Variants in ZNF765 observed in about 807,000 individuals in gnomAD.
ZNF765 encodes the protein zinc finger protein 765.
Under a neutral mutation model 44.7 loss-of-function variants are expected in ZNF765, and 37 were observed. That is an observed-to-expected ratio of 0.83 (90% CI 0.64 to 1.09). The LOEUF (loss-of-function observed/expected upper bound fraction) is 1.09. ZNF765 is among the 50% of genes least tolerant of loss of function. The pLI is 0.00. For synonymous variants in ZNF765, 201 were observed against 213.7 expected (o/e 0.94, Z 0.52); for missense variants, 594 against 626.1 (o/e 0.95, Z 0.55).
At chr19:53,421,517 T>C (rs1453488213) in intron 3 of ZNF765, among the ~76,000 whole-genome samples, 1 of 132,898 alleles carries the variant, frequency 7.5e-6, no homozygotes, top group Non-Finnish European at 1.6e-5. Flanking sequence ...TTTTATTTAT[T>C]TATTTTTTTT....
Position 53,400,783 on chromosome 19 carries a change from T to TATATATATATATATATATATATAC in ZNF765, c.16-1281_16-1280insTATATATATATATATATATATACA, listed in dbSNP as rs10664389. ...GTTGACATATATATATATATATATA[T>TATATATATATATATATATATATAC]ACACACATACATAAAATGGATTTTC... On this transcript the variant is annotated intron_variant, in intron 2 of 3. Coordinates refer to ENST00000396408, the MANE Select transcript of ZNF765 (RefSeq NM_001040185.3). 1.9e-3 allele frequency among the ~76,000 whole-genome samples: 244 copies of TATATATATATATATATATATATAC among 126,544 alleles called. 1 individual carries two copies. Among genetic ancestry groups the TATATATATATATATATATATATAC allele is most frequent in the Middle Eastern group, 4.2e-3 (1 of 236 alleles). The allele number at this position is 126,544 out of a possible 152,430, so 83.0% of individuals were successfully genotyped here. A position where few individuals can be genotyped will look rare whatever the true frequency, so the allele number is the denominator to read the frequency against.
intron 3 of ZNF765, among the ~76,000 whole-genome samples, chr19:53,417,925 C>T (rs1775156204): frequency 6.6e-6 from 1 of 152,168 alleles, no homozygotes; most frequent in African/African-American, 2.4e-5. Context: ...AGTGTGCGTT[C>T]AGTCCCTGAT....
rs1450370638 is a variant in ZNF765, at chr19:53,409,120, A to T, written c.1565A>T (p.His522Leu). Reference sequence around the variant, plus strand: ...AGAATTTATACTGGAGAGAAACTACACGTGTAATGAGTGTGGTAAGACCTT... The same window carrying T: ...AGAATTTATACTGGAGAGAAACTACTCGTGTAATGAGTGTGGTAAGACCTT... ...HRRIYTGEKL[H>L]V Residue 522 changes from histidine to leucine, a missense_variant, in exon 4 of 4, where the codon CAC becomes CTC. Physicochemically the swap from His to Leu is moderately conservative, Grantham distance 99. This residue lies in a region of ZNF765 where 567 missense variants were observed against 572.6 expected (regional missense o/e 0.99). Coordinates refer to ENST00000396408, the MANE Select transcript of ZNF765 (RefSeq NM_001040185.3). The T allele has an allele frequency of 6.2e-7, 1 of 1,612,446 alleles. No homozygotes were observed. The highest frequency in any genetic ancestry group is 8.5e-7 in the Non-Finnish European group (1 of 1,178,758).
intron 3 of ZNF765, among the ~76,000 whole-genome samples, chr19:53,421,255 T>G (rs2085905378): frequency 1.3e-5 from 2 of 152,262 alleles, no homozygotes; most frequent in Admixed American, 1.3e-4. Flanking sequence ...CTCCCCACTA[T>G]TACCCTATTG....
chr19:53,422,212 G>C (rs1228983470), intron 3 of ZNF765, among the ~76,000 whole-genome samples: 2 of 152,178 alleles, frequency 1.3e-5, no homozygotes, highest in East Asian at 3.8e-4. Context: ...AAATATGTAT[G>C]TTCATTATTG....
downstream of ZNF765, chr19:53,413,201 T>A (rs1000563417): frequency 8.9e-5 from 52 of 584,956 alleles, 2 homozygotes; most frequent in South Asian, 7.0e-4. Flanking sequence ...GATCTTCTTA[T>A]AAGACTTTCA....
intron 1 of ZNF765, among the ~76,000 whole-genome samples, chr19:53,396,228 G>C (rs2085668291): frequency 6.6e-6 from 1 of 151,658 alleles, no homozygotes; most frequent in Non-Finnish European, 1.5e-5. Flanking sequence ...TGGGGATCTG[G>C]GGTGCTAGAG....
chr19:53,413,085 G>C (rs986667728), downstream of ZNF765: 3 of 372,104 alleles, frequency 8.1e-6, no homozygotes, highest in African/African-American at 6.4e-5. Context: ...ACTCCAGCCT[G>C]CGCAACAAGA....
chr19:53,404,861 A>C (rs544377506), intron 3 of ZNF765, among the ~76,000 whole-genome samples: 1 of 152,296 alleles, frequency 6.6e-6, no homozygotes, highest in Admixed American at 6.5e-5. Context: ...CAGATTTGTC[A>C]GCCTTCAGTG....
chr19:53,404,408 A>G (rs905209653), intron 3 of ZNF765, among the ~76,000 whole-genome samples: 8 of 151,388 alleles, frequency 5.3e-5, no homozygotes, highest in Non-Finnish European at 1.2e-4. Flanking sequence ...GGAGAACTTT[A>G]TATATATTTG....
In ZNF765 at chr19:53,410,967, C is replaced by T; in HGVS notation, c.*1840C>T. 1 of 370,950 alleles carries T rather than the reference C, an allele frequency of 2.7e-6. No individual in the cohort carries two copies. Among genetic ancestry groups the T allele is most frequent in the Non-Finnish European group, 5.4e-6 (1 of 185,982 alleles). The allele number at this position is 370,950 out of a possible 1,614,324, so 23.0% of individuals were successfully genotyped here. On this transcript the variant is annotated 3_prime_UTR_variant, in exon 4 of 4. Coordinates refer to ENST00000396408, the MANE Select transcript of ZNF765 (RefSeq NM_001040185.3). Reference sequence around the variant, plus strand: ...CAAAGTCTTCAGTCTGAGCTCACTCCTTGCAGGATATCAGAAAATTCATTT... The same window carrying T: ...CAAAGTCTTCAGTCTGAGCTCACTCTTTGCAGGATATCAGAAAATTCATTT...
downstream of ZNF765, among the ~76,000 whole-genome samples, chr19:53,413,996 G>T (rs1427383366): frequency 3.5e-5 from 5 of 143,742 alleles, no homozygotes; most frequent in East Asian, 8.7e-4. Context: ...ATCCCACCAC[G>T]TTGGGAGGCT....
intron 3 of ZNF765, among the ~76,000 whole-genome samples, chr19:53,419,613 G>A (rs2085895653): frequency 6.6e-6 from 1 of 152,166 alleles, no homozygotes; most frequent in African/African-American, 2.4e-5. Flanking sequence ...TCGGTAAGTT[G>A]GTGAGGTGAT....
rs1376635451 is a variant in ZNF765, at chr19:53,417,308, T to C, written c.143-5754T>C. On this transcript the variant is annotated intron_variant, in intron 3 of 3. Coordinates refer to the ZNF765 transcript ENST00000594030. ...CCCTATGCCCTCCAATAGGCCCCAG[T>C]GTGTGTTGTTCCCCTCTATGTATCT... 2.0e-5 allele frequency among the ~76,000 whole-genome samples: 3 copies of C among 152,094 alleles called. No individual in the cohort carries two copies. The East Asian group carries it at 5.8e-4, about 29-fold the overall frequency.
chr19:53,414,479 ACACACACACACCCCCCCCCCCCCCC>A (rs2085860831), downstream of ZNF765, among the ~76,000 whole-genome samples: 1 of 1,676 alleles, frequency 6.0e-4, no homozygotes, highest in Non-Finnish European at 1.3e-3. Flanking sequence ...ACACACACAC[ACACACACACACCCCCCCCCCCCCCC>A]CCCCCGGGGA....
rs1600060109 is a variant in ZNF765, at chr19:53,409,737, C to T, written c.*610C>T. The T allele has an allele frequency of 1.1e-6, 1 of 913,546 alleles. No individual in the cohort carries two copies. Among genetic ancestry groups the T allele is most frequent in the East Asian group, 2.6e-5 (1 of 38,394 alleles). 56.6% of individuals were successfully genotyped at this position (913,546 alleles called of 1,614,324 possible). The stretch of plus-strand genomic sequence containing the variant: ...TGTGGCAAGACCTTTAGTCAGAACT[C>T]ATACCTTACATGCCATCATAGACTT... On this transcript the variant is annotated 3_prime_UTR_variant, in exon 4 of 4. Coordinates refer to ENST00000396408, the MANE Select transcript of ZNF765 (RefSeq NM_001040185.3).
Position 53,410,716 on chromosome 19 carries a change from C to A in ZNF765, c.*1589C>A. On this transcript the variant is annotated 3_prime_UTR_variant, in exon 4 of 4. Coordinates refer to ENST00000396408, the MANE Select transcript of ZNF765 (RefSeq NM_001040185.3). ...CAAATTTTTCAGACATTGTTCATAA[C>A]TTGCAGTTCATCGGCGAACTCGTAC... The A allele has an allele frequency of 2.3e-6, 1 of 436,690 alleles. No individual in the cohort carries two copies. Among genetic ancestry groups the A allele is most frequent in the Non-Finnish European group, 4.7e-6 (1 of 214,240 alleles). 27.1% of individuals were successfully genotyped at this position (436,690 alleles called of 1,614,324 possible).
Position 53,410,694 on chromosome 19 carries a change from AT to A in ZNF765, c.*1572del. On this transcript the variant is annotated 3_prime_UTR_variant, in exon 4 of 4. Transcript: ENST00000396408. ...CATACTAGTTTAATAAATTTGGCAA[AT>A]TTTTCAGACATTGTTCATAACTTGC... The A allele has an allele frequency of 2.2e-6, 1 of 446,626 alleles. No individual in the cohort carries two copies. Among genetic ancestry groups the A allele is most frequent in the Non-Finnish European group, 4.5e-6 (1 of 220,074 alleles). The allele number at this position is 446,626 out of a possible 1,614,324, so 27.7% of individuals were successfully genotyped here.
chr19:53,418,344 A>G (rs1431650994), intron 3 of ZNF765, among the ~76,000 whole-genome samples: 1 of 152,116 alleles, frequency 6.6e-6, no homozygotes, highest in Non-Finnish European at 1.5e-5. Context: ...ATCTCTAAAT[A>G]AATAAATAAA....
Sources: gnomAD v4.1 joint callset for allele counts (sites outside exome capture counted in the v4.1 genomes callset) on GRCh38, gnomAD v4.1.1 for gene constraint, gnomAD v4.1.1 regional missense constraint, MANE v1.5 for transcripts, NCBI Gene and HGNC (gene_info 2026-07-23, HGNC 2026-07-21) for gene names.